KRT24: variants seen among roughly 807,000 people sequenced by gnomAD.
KRT24 encodes the protein keratin 24.
Under a neutral mutation model 51.7 loss-of-function variants are expected in KRT24, and 44 were observed. The ratio of observed to expected loss-of-function variants is 0.85; its 90% CI spans 0.67 to 1.09. KRT24 has a LOEUF of 1.09. Ranked by LOEUF, KRT24 falls within the 50% of genes least tolerant of loss-of-function variation. The pLI is 0.00. For synonymous variants in KRT24, 241 were observed against 249.5 expected (o/e 0.97, Z 0.32); for missense variants, 633 against 647.0 (o/e 0.98, Z 0.24).
chr17:40,701,041 G>A, intron 3 of KRT24, 99 bp downstream of exon 3: 2 of 1,212,684 alleles, frequency 1.6e-6, no homozygotes, highest in South Asian at 1.4e-5. Flanking sequence ...GAGACTAAAG[G>A]CATGAGCCAC....
chr17:40,701,296 C>T lies in KRT24; in HGVS notation c.699G>A (p.Lys233=), dbSNP rs200494398. ...ARLAADDFRL[K]YENELCLRQS... Reference sequence around the variant, plus strand: ...GCCGGAGACACAGCTCGTTCTCATACCTGGAAGGGGCAGCAGTAAGGCAAA... The same window carrying T: ...GCCGGAGACACAGCTCGTTCTCATATCTGGAAGGGGCAGCAGTAAGGCAAA... Residue 233 remains lysine, a splice_region_variant and synonymous_variant, in exon 3 of 8, where the codon AAG becomes AAA. Transcript: ENST00000264651. 3.3e-5 allele frequency: 53 copies of T among 1,612,476 alleles called. 1 individual carries two copies. In the Middle Eastern group the frequency reaches 9.9e-4, roughly 30 times the overall value.
intron 5 of KRT24, 123 bp from the exon 6 acceptor site, chr17:40,699,784 T>C (rs1597775099): frequency 4.0e-6 from 4 of 1,002,144 alleles, no homozygotes; most frequent in Non-Finnish European, 5.8e-6. Flanking sequence ...TGTTATATCA[T>C]TGCTTCTTTA....
rs1241073438 is a variant in KRT24 at position 40,699,554 on chromosome 17, G to C, written c.1251C>G (p.Ile417Met). The C allele has an allele frequency of 2.5e-6, 4 of 1,613,934 alleles. No homozygotes were observed. Among genetic ancestry groups the C allele is most frequent in the Non-Finnish European group, 2.5e-6 (3 of 1,179,810 alleles). Residue 417 changes from isoleucine (I) to methionine (M), a missense_variant, in exon 6 of 8, where the codon ATC becomes ATG. Ile to Met is a conservative substitution (Grantham distance 10). Coordinates refer to ENST00000264651, the MANE Select transcript of KRT24 (RefSeq NM_019016.3). The part of the protein sequence containing the change: ...ISALEEEICQ[I>M]WGETKCQNAE... ...CGTTCTGGCATTTAGTCTCACCCCA[G>C]ATCTGGCAGATCTCCTCCTCCAGGG...
In KRT24 at chr17:40,701,137, T is replaced by A; in HGVS notation, c.855+3A>T. On this transcript the variant is annotated splice_donor_region_variant and intron_variant, in intron 3 of 7. Coordinates refer to ENST00000264651, the MANE Select transcript of KRT24 (RefSeq NM_019016.3). ...TATTCGTTTATGTAGAACATGTTCC[T>A]ACCTCCTCGTGGTTCTTCCTCAGGT... 6.2e-7 allele frequency: 1 copy of A among 1,613,554 alleles called. No individual in the cohort carries two copies.
At position 40,699,553 on chromosome 17, in the gene KRT24, A is replaced by G. The variant is rs12946793; in HGVS notation, c.1252T>C (p.Trp418Arg). The part of the protein sequence containing the change: ...SALEEEICQI[W>R]GETKCQNAEY... ...GCGTTCTGGCATTTAGTCTCACCCC[A>G]GATCTGGCAGATCTCCTCCTCCAGG... The change falls in exon 6 of 8, where the codon TGG becomes CGG. Residue 418 changes from tryptophan to arginine, a missense_variant. Trp to Arg is a moderately radical substitution (Grantham distance 101, BLOSUM62 -3). Transcript: ENST00000264651. The G allele has an allele frequency of 1.9e-3, 3,012 of 1,613,934 alleles. 45 individuals are homozygous for G. The African/African-American group carries it at 0.03, about 16-fold the overall frequency.
Position 40,701,881 on chromosome 17 carries a change from GC to G in KRT24, c.667del (p.Ala223ProfsTer10), listed in dbSNP as rs869116162. On this transcript the variant is annotated frameshift_variant, in exon 2 of 8. Coordinates refer to ENST00000264651, the MANE Select transcript of KRT24 (RefSeq NM_019016.3). LOFTEE classifies it high-confidence loss of function. ...NAGIILHIDN[A>X]RLAADDFRLK... The stretch of plus-strand genomic sequence containing the variant: ...TCTGAAGTCATCAGCAGCCAATCTG[GC>G]ATTGTCAATGTGCAAAATGATCCCA... 1 of 1,500,000 alleles carries G rather than the reference GC, an allele frequency of 6.7e-7. No homozygotes were observed. Among genetic ancestry groups the G allele is most frequent in the Non-Finnish European group, 8.9e-7 (1 of 1,117,636 alleles). 92.9% of individuals were successfully genotyped at this position (1,500,000 alleles called of 1,614,324 possible).
chr17:40,699,234 C>T (rs1050637555), intron 6 of KRT24, among the ~76,000 whole-genome samples: 1 of 151,566 alleles, frequency 6.6e-6, no homozygotes, highest in Non-Finnish European at 1.5e-5. Flanking sequence ...CTATGTTGCT[C>T]AAGCTGGTCT....
rs771668201 is a variant in KRT24, at chr17:40,700,206, A to G, written c.1017+16T>C. The G allele has an allele frequency of 3.7e-6, 6 of 1,613,908 alleles. No individual in the cohort carries two copies. Among genetic ancestry groups the G allele is most frequent in the Admixed American group, 1.7e-5 (1 of 59,988 alleles). ...TGTGTGGCTACTGGCTTAGGTGCTC[A>G]GCAGAGAGGATCTACCTGCTTGTTG... On this transcript the variant is annotated intron_variant, in intron 4 of 7. Coordinates refer to ENST00000264651, the MANE Select transcript of KRT24 (RefSeq NM_019016.3).
Position 40,703,478 on chromosome 17 carries a change from T to G in KRT24, c.216A>C (p.Ser72=). The change falls in exon 1 of 8, where the codon TCA becomes TCC. Residue 72 remains serine, a synonymous_variant. Coordinates refer to ENST00000264651, the MANE Select transcript of KRT24 (RefSeq NM_019016.3). ...AAGCTCCCCCAAAACCACCCCCTAC[T>G]GAGCAGCTACCAAAGCCCCCTCCAA... The part of the protein sequence containing the change: ...GSFGGGFGSC[S]VGGGFGGASG... The G allele has an allele frequency of 3.6e-6, 2 of 553,420 alleles. No homozygotes were observed. Among genetic ancestry groups the G allele is most frequent in the Non-Finnish European group, 6.1e-6 (2 of 329,488 alleles). 34.3% of individuals were successfully genotyped at this position (553,420 alleles called of 1,614,324 possible).
In KRT24 at chr17:40,703,601, G is replaced by A. The variant is rs375687298; in HGVS notation, c.93C>T (p.Ser31=). ...CCGAGCTGCCCCCCAGACCACATCT[G>A]CTTCCACTGCTGAAGCTGCTTCCAC... ...SAGGSSFSSG[S]RCGLGGSSAQ... The change falls in exon 1 of 8, where the codon AGC becomes AGT. Residue 31 remains serine (S), a synonymous_variant. Coordinates refer to ENST00000264651, the MANE Select transcript of KRT24 (RefSeq NM_019016.3). The A allele has an allele frequency of 2.5e-6, 4 of 1,612,586 alleles. No individual in the cohort carries two copies. The highest frequency in any genetic ancestry group is 1.7e-5 in the Admixed American group (1 of 59,768).
In KRT24 at chr17:40,703,246, G is replaced by T; in HGVS notation, c.448C>A (p.Arg150Ser). The change falls in exon 1 of 8, where the codon CGC becomes AGC. Residue 150 changes from arginine (R) to serine (S), a missense_variant. Physicochemically the swap from Arg to Ser is moderately radical, Grantham distance 110. Coordinates refer to ENST00000264651, the MANE Select transcript of KRT24 (RefSeq NM_019016.3). ...ACCTTGTCTAGGTAATTGGCCAAGC[G>T]GTCATTGAGGTTCTGCATGGTTTGC... The part of the protein sequence containing the change: ...EKQTMQNLND[R>S]LANYLDKVRA... 6.2e-7 allele frequency: 1 copy of T among 1,613,986 alleles called. No individual in the cohort carries two copies. Among genetic ancestry groups the T allele is most frequent in the South Asian group, 1.1e-5 (1 of 91,064 alleles).
intron 1 of KRT24, among the ~76,000 whole-genome samples, chr17:40,702,193 G>A (rs562588040): frequency 1.1e-4 from 16 of 152,044 alleles, no homozygotes; most frequent in Admixed American, 4.6e-4. Flanking sequence ...CACTATGCCC[G>A]GCTAATTTTT....
intron 6 of KRT24, among the ~76,000 whole-genome samples, chr17:40,699,186 T>G (rs1176077126): frequency 2.0e-5 from 3 of 152,054 alleles, no homozygotes; most frequent in Non-Finnish European, 4.4e-5. Flanking sequence ...CTCCAGCTAA[T>G]TTTTTAAAAA....
At chr17:40,700,485 A>G in intron 3 of KRT24, 102 bp from the exon 4 acceptor site, 1 of 324,486 alleles carries the variant, frequency 3.1e-6, no homozygotes, top group Non-Finnish European at 5.0e-6. Flanking sequence ...CACTGAAAGG[A>G]AAAAAAAAAA....
Position 40,703,227 on chromosome 17 carries a change from T to C in KRT24, c.467A>G (p.Asp156Gly). 1 of 1,614,134 alleles carries C rather than the reference T, an allele frequency of 6.2e-7. No individual in the cohort carries two copies. The highest frequency in any genetic ancestry group is 8.5e-7 in the Non-Finnish European group (1 of 1,180,014). Residue 156 changes from aspartate (D) to glycine (G), a missense_variant, in exon 1 of 8, where the codon GAC becomes GGC. Transcript: ENST00000264651. ...AGCCTCCTCCAGGGCTCTGACCTTG[T>C]CTAGGTAATTGGCCAAGCGGTCATT... ...NLNDRLANYL[D>G]KVRALEEANT... is the part of the protein sequence containing the mutation.
chr17:40,699,760 C>A, intron 5 of KRT24, 99 bp from the exon 6 acceptor site: 2 of 1,081,420 alleles, frequency 1.8e-6, no homozygotes, highest in Non-Finnish European at 1.4e-6. Context: ...GCACCTTCGC[C>A]ATATAACCTA....
At position 40,698,623 on chromosome 17, in the gene KRT24, A is replaced by G; in HGVS notation, c.1389T>C (p.Gly463=). Residue 463 remains glycine (G), a synonymous_variant, in exon 7 of 8, where the codon GGT becomes GGC. Coordinates refer to ENST00000264651, the MANE Select transcript of KRT24 (RefSeq NM_019016.3). ...CCATGTTTACAGATCCTGAGTTTCTACCACCAAATTCTGCAAAACTAGAAC... is the reference window on the plus strand; with the variant it reads ...CCATGTTTACAGATCCTGAGTTTCTGCCACCAAATTCTGCAAAACTAGAAC... ...GGGSSFAEFG[G]RNSGSVNMGS... is the part of the protein sequence containing the mutation. The G allele has an allele frequency of 6.2e-7, 1 of 1,608,074 alleles. No individual in the cohort carries two copies. Among genetic ancestry groups the G allele is most frequent in the Non-Finnish European group, 8.5e-7 (1 of 1,174,758 alleles).
chr17:40,699,012 G>A (rs972346355), intron 6 of KRT24, among the ~76,000 whole-genome samples: 4 of 152,062 alleles, frequency 2.6e-5, no homozygotes, highest in African/African-American at 9.7e-5. Context: ...GAGTAGCTGG[G>A]ACTACAGGTG....
At chr17:40,701,781 T>TATATA (rs2037685525) in intron 2 of KRT24, 70 bp downstream of exon 2, 2 of 145,718 alleles carry the variant, frequency 1.4e-5, no homozygotes, top group Admixed American at 9.7e-5. Flanking sequence ...ATATATATAT[T>TATATA]TATTTATAAA....
Sources: gnomAD v4.1 joint callset for allele counts (sites outside exome capture counted in the v4.1 genomes callset) on GRCh38, gnomAD v4.1.1 for gene constraint, MANE v1.5 for transcripts, NCBI Gene and HGNC (gene_info 2026-07-23, HGNC 2026-07-21) for gene names.